ENPEP: variants seen among roughly 807,000 people sequenced by gnomAD.
ENPEP encodes the protein glutamyl aminopeptidase.
ENPEP carries 103 observed loss-of-function variants against 114.5 expected under a neutral mutation model. That is an observed-to-expected ratio of 0.90 (90% CI 0.77 to 1.06). The LOEUF (loss-of-function observed/expected upper bound fraction) is 1.06, where lower values mean the gene tolerates loss of function less well. Among genes scored for constraint, ENPEP ranks in the 50% least tolerant of loss-of-function variants. The pLI, the probability that ENPEP is intolerant of heterozygous loss-of-function variation, is 0.00. For missense variants in ENPEP, 1,196 were observed against 1,161.3 expected, an observed-to-expected ratio of 1.03 and a Z score of -0.43; for synonymous variants, 420 against 422.0, an observed-to-expected ratio of 1.00 and a Z score of 0.06.
Position 110,500,674 on chromosome 4 carries a change from T to C in ENPEP, c.919-5963T>C, listed in dbSNP as rs756160712. ...AAAGATAAAGAAGAAAGAAAATACATGTATGCATCCCTCCTCACTCCATGT... is the reference window on the plus strand; with the variant it reads ...AAAGATAAAGAAGAAAGAAAATACACGTATGCATCCCTCCTCACTCCATGT... On this transcript the variant is annotated intron_variant, in intron 3 of 19. Coordinates refer to ENST00000265162, the MANE Select transcript of ENPEP (RefSeq NM_001977.4). Among the ~76,000 whole-genome samples, 24 of 152,184 alleles carry C rather than the reference T, an allele frequency of 1.6e-4. 1 individual carries two copies. The highest frequency in any genetic ancestry group is 1.4e-3 in the Admixed American group (21 of 15,274).
chr4:110,476,946 AC>A lies in ENPEP; in HGVS notation c.537del (p.Ser180AlafsTer9), dbSNP rs763942549. 1.9e-6 allele frequency: 3 copies of A among 1,613,958 alleles called. No individual in the cohort carries two copies. The East Asian group carries it at 6.7e-5, about 36-fold the overall frequency. On this transcript the variant is annotated frameshift_variant, in exon 1 of 20. Coordinates refer to ENST00000265162, the MANE Select transcript of ENPEP (RefSeq NM_001977.4). LOFTEE classifies it high-confidence loss of function. ...YVVVEAEEEL[T>X]PSSGDGLYLL... is the part of the protein sequence containing the mutation. ...GGTGGTCGAGGCGGAGGAAGAGCTTACCCCCAGCAGTGGAGATGGCCTGTAT... is the reference window on the plus strand; with the variant it reads ...GGTGGTCGAGGCGGAGGAAGAGCTTACCCCAGCAGTGGAGATGGCCTGTAT...
chr4:110,506,682 G>T lies in ENPEP; in HGVS notation c.964G>T (p.Ala322Ser). The change falls in exon 4 of 20, where the codon GCT (alanine) becomes TCT (serine). Residue 322 changes from alanine (A) to serine (S), a missense_variant. Transcript: ENST00000265162. ...AGAGCAAAAGCACACAGCCGAATAT[G>T]CTGCAAACATAACTAAAAGTGTGTT... ...QPEQKHTAEY[A>S]ANITKSVFDY... 1 of 1,612,640 alleles carries T rather than the reference G, an allele frequency of 6.2e-7. No individual in the cohort carries two copies. Among genetic ancestry groups the T allele is most frequent in the Non-Finnish European group, 8.5e-7 (1 of 1,179,172 alleles).
intron 3 of ENPEP, among the ~76,000 whole-genome samples, chr4:110,499,160 A>G (rs1725058826): frequency 6.6e-6 from 1 of 152,224 alleles, no homozygotes; most frequent in Non-Finnish European, 1.5e-5. Flanking sequence ...ATCACATATA[A>G]GGAAGTACGC....
chr4:110,510,641 A>G (rs1334288959), intron 6 of ENPEP, among the ~76,000 whole-genome samples: 2 of 152,170 alleles, frequency 1.3e-5, no homozygotes, highest in Non-Finnish European at 2.9e-5. Flanking sequence ...TGGCATAGAA[A>G]ATGTTAACTC....
intron 1 of ENPEP, among the ~76,000 whole-genome samples, chr4:110,478,340 C>CA (rs764288751): frequency 6.6e-6 from 1 of 151,690 alleles, no homozygotes; most frequent in Non-Finnish European, 1.5e-5. Flanking sequence ...ATACTGCTAG[C>CA]AAAAAAACAC....
intron 1 of ENPEP, among the ~76,000 whole-genome samples, chr4:110,482,704 A>G (rs1345997849): frequency 6.6e-6 from 1 of 152,198 alleles, no homozygotes; most frequent in Non-Finnish European, 1.5e-5. Flanking sequence ...GTCAATAAAA[A>G]TGTCAATAAA....
At chr4:110,538,351 T>A (rs1262462726) in intron 11 of ENPEP, among the ~76,000 whole-genome samples, 3 of 152,372 alleles carry the variant, frequency 2.0e-5, no homozygotes, top group Non-Finnish European at 4.4e-5. Flanking sequence ...CTTGAACTTT[T>A]ATGTTTGGAG....
intron 11 of ENPEP, among the ~76,000 whole-genome samples, chr4:110,533,788 C>G (rs1726503159): frequency 1.3e-5 from 2 of 152,146 alleles, no homozygotes; most frequent in Admixed American, 1.3e-4. Flanking sequence ...ATCTATGTCT[C>G]CCCTCCCCAC....
chr4:110,494,166 G>A (rs565309603), intron 3 of ENPEP, among the ~76,000 whole-genome samples: 77 of 152,286 alleles, frequency 5.1e-4, no homozygotes, highest in Non-Finnish European at 8.1e-4. Flanking sequence ...CCAAAGCATG[G>A]CTTGGGTCTG....
Position 110,477,001 on chromosome 4 carries a change from T to A in ENPEP, c.587T>A (p.Leu196Gln). 6.2e-7 allele frequency: 1 copy of A among 1,614,188 alleles called. No homozygotes were observed. The highest frequency in any genetic ancestry group is 8.5e-7 in the Non-Finnish European group (1 of 1,180,032). The change falls in exon 1 of 20, where the codon CTG becomes CAG. Residue 196 changes from leucine (L) to glutamine (Q), a missense_variant. Physicochemically the swap from Leu to Gln is moderately radical, Grantham distance 113 (BLOSUM62 -2). Coordinates refer to ENST00000265162, the MANE Select transcript of ENPEP (RefSeq NM_001977.4). ...CTGACCATGGAGTTCGCCGGCTGGC[T>A]GAACGGCTCCCTCGTGGGATTTTAT... Reference protein sequence around the residue: ...YLLTMEFAGWLNGSLVGFYRT... With the variant: ...YLLTMEFAGWQNGSLVGFYRT...
In ENPEP at chr4:110,544,192, C is replaced by T. The variant is rs1726962376; in HGVS notation, c.2000+1122C>T. Among the ~76,000 whole-genome samples the T allele has an allele frequency of 2.0e-5, 3 of 152,162 alleles. No homozygotes were observed. The South Asian group carries it at 6.2e-4, about 31-fold the overall frequency. On this transcript the variant is annotated intron_variant, in intron 13 of 19. Coordinates refer to ENST00000265162, the MANE Select transcript of ENPEP (RefSeq NM_001977.4). ...TGGTTCCATATAGTCTTAAGTAAGT[C>T]TCTTAACTTCTCTCTGGCTCAATTT...
intron 3 of ENPEP, among the ~76,000 whole-genome samples, chr4:110,494,139 G>C (rs1334631191): frequency 6.6e-6 from 1 of 152,202 alleles, no homozygotes; most frequent in East Asian, 1.9e-4. Context: ...AGTAGTCAGA[G>C]TTTTAGAACG....
intron 18 of ENPEP, among the ~76,000 whole-genome samples, chr4:110,556,793 A>G (rs2029073): frequency 0.52 from 79,208 of 151,942 alleles, 21,171 homozygotes; most frequent in Admixed American, 0.64. Flanking sequence ...ATCTTTGTTA[A>G]TTGAATATAT....
At chr4:110,489,373 C>T (rs1396159424) in intron 2 of ENPEP, among the ~76,000 whole-genome samples, 3 of 151,876 alleles carry the variant, frequency 2.0e-5, no homozygotes, top group African/African-American at 7.3e-5. Context: ...AACACATGGA[C>T]ACAAGGAGGG....
chr4:110,499,547 A>T (rs772142027), intron 3 of ENPEP, among the ~76,000 whole-genome samples: 1 of 152,206 alleles, frequency 6.6e-6, no homozygotes, highest in African/African-American at 2.4e-5. Context: ...GGCCAGTTGT[A>T]TGTTGGAATT....
intron 8 of ENPEP, chr4:110,519,052 G>A (rs1351445603): frequency 8.8e-6 from 4 of 455,558 alleles, no homozygotes; most frequent in Non-Finnish European, 1.8e-5. Flanking sequence ...AAAAGTGATT[G>A]CTGCTTCTCC....
intron 17 of ENPEP, among the ~76,000 whole-genome samples, chr4:110,551,294 A>T (rs556641385): frequency 5.9e-5 from 9 of 152,232 alleles, no homozygotes; most frequent in Non-Finnish European, 1.3e-4. Context: ...GAAGTTCAAT[A>T]GTTTAAAGCA....
Position 110,513,567 on chromosome 4 carries a change from T to C in ENPEP, c.1443+18T>C, listed in dbSNP as rs764538825. On this transcript the variant is annotated intron_variant, in intron 7 of 19. Transcript: ENST00000265162. ...ATAGCAAGGTGGGAGAAATAGAACATTGTTTTGAACATCTTCCTGTTTAGT... is the reference window on the plus strand; with the variant it reads ...ATAGCAAGGTGGGAGAAATAGAACACTGTTTTGAACATCTTCCTGTTTAGT... 23 of 1,610,254 alleles carry C rather than the reference T, an allele frequency of 1.4e-5. No individual in the cohort carries two copies. The highest frequency in any genetic ancestry group is 1.9e-5 in the Non-Finnish European group (22 of 1,178,458).
At chr4:110,505,288 GAAAATGTATCATCACTTCTGTAAGAAA>G (rs1366040139) in intron 3 of ENPEP, among the ~76,000 whole-genome samples, 1 of 151,476 alleles carries the variant, frequency 6.6e-6, no homozygotes, top group Non-Finnish European at 1.5e-5. Context: ...AACTATTAGA[GAAAATGTATCATCACTTCTGTAAGAAA>G]AAAAAAAAAC....
Sources: gnomAD v4.1 joint callset for allele counts (sites outside exome capture counted in the v4.1 genomes callset) on GRCh38, gnomAD v4.1.1 for gene constraint, MANE v1.5 for transcripts, NCBI Gene and HGNC (gene_info 2026-07-23, HGNC 2026-07-21) for gene names.